Variants in SHROOM3 observed in about 807,000 individuals in gnomAD.
SHROOM3 encodes the protein protein Shroom3.
A neutral mutation model predicts 138.6 loss-of-function variants in SHROOM3; 47 were observed. That is an observed-to-expected ratio of 0.34 (90% confidence interval 0.27 to 0.43). The LOEUF (loss-of-function observed/expected upper bound fraction) is 0.43. SHROOM3 is among the 20% of genes least tolerant of loss of function. SHROOM3 has a pLI of 1.00. For synonymous variants in SHROOM3, 1,062 were observed against 1,063.3 expected, an observed-to-expected ratio of 1.00 and a Z score of 0.02; for missense variants, 2,491 against 2,596.5, an observed-to-expected ratio of 0.96 and a Z score of 0.88.
rs55650799 is a variant in SHROOM3 at position 76,782,279 on chromosome 4, T to G, written c.*3102T>G. 22,648 of 152,192 alleles carry G rather than the reference T, an allele frequency of 0.15. 1,783 individuals carry two copies. Among genetic ancestry groups the G allele is most frequent in the South Asian group, 0.24 (1,174 of 4,816 alleles). 9.4% of individuals were successfully genotyped at this position (152,192 alleles called of 1,614,324 possible). A position where few individuals can be genotyped will look rare whatever the true frequency, so the allele number is the denominator to read the frequency against. On this transcript the variant is annotated 3_prime_UTR_variant, in exon 11 of 11. Coordinates refer to ENST00000296043, the MANE Select transcript of SHROOM3 (RefSeq NM_020859.4). ...CTATGGGAACATTTTAGGGTTTGTTTTGCACAGCTGGTTTCCAGACTAGAA... is the reference window on the plus strand; with the variant it reads ...CTATGGGAACATTTTAGGGTTTGTTGTGCACAGCTGGTTTCCAGACTAGAA...
chr4:76,468,958 T>C (rs1229427849), intron 1 of SHROOM3, among the ~76,000 whole-genome samples: 4 of 149,294 alleles, frequency 2.7e-5, no homozygotes, highest in African/African-American at 2.5e-5. Flanking sequence ...GGCATGAACC[T>C]GGGAGGTGCA....
intron 2 of SHROOM3, among the ~76,000 whole-genome samples, chr4:76,691,112 T>A (rs1166554824): frequency 6.6e-6 from 1 of 152,208 alleles, no homozygotes; most frequent in Non-Finnish European, 1.5e-5. Context: ...CATACCCCTT[T>A]CCAGTGCTTG....
At chr4:76,631,203 C>CTTTTTTTTTTTTT (rs71212436) in intron 2 of SHROOM3, among the ~76,000 whole-genome samples, 1 of 104,192 alleles carries the variant, frequency 9.6e-6, no homozygotes, top group Non-Finnish European at 1.8e-5. Context: ...TTTTTTTAAT[C>CTTTTTTTTTTTTT]TTTTTTTTTT....
intron 1 of SHROOM3, among the ~76,000 whole-genome samples, chr4:76,452,718 GAT>G: frequency 6.6e-6 from 1 of 152,212 alleles, no homozygotes; most frequent in East Asian, 1.9e-4. Context: ...TCTTTGTATA[GAT>G]ATGTTTTTGT....
At chr4:76,738,339 T>C (rs898518630) in intron 4 of SHROOM3, among the ~76,000 whole-genome samples, 1 of 152,150 alleles carries the variant, frequency 6.6e-6, no homozygotes, top group African/African-American at 2.4e-5. Context: ...CCCGTGCCTA[T>C]TCTCTTATTA....
chr4:76,513,735 A>G (rs909634811), intron 1 of SHROOM3, among the ~76,000 whole-genome samples: 1 of 152,230 alleles, frequency 6.6e-6, no homozygotes, highest in East Asian at 1.9e-4. Context: ...TGGCATTAGC[A>G]AACACCTACA....
At chr4:76,528,562 T>TTTTTTTTTTGG (rs1732754135) in intron 1 of SHROOM3, among the ~76,000 whole-genome samples, 2 of 146,366 alleles carry the variant, frequency 1.4e-5, no homozygotes, top group Non-Finnish European at 1.5e-5. Flanking sequence ...TTTTTTTTTT[T>TTTTTTTTTTGG]GAGGCAGAGT....
intron 3 of SHROOM3, among the ~76,000 whole-genome samples, chr4:76,711,635 G>A (rs531641513): frequency 6.6e-6 from 1 of 152,310 alleles, no homozygotes; most frequent in African/African-American, 2.4e-5. Flanking sequence ...CGAGGCTACA[G>A]TGAGCCATGA....
chr4:76,520,054 A>G (rs1732530773), intron 1 of SHROOM3, among the ~76,000 whole-genome samples: 1 of 152,166 alleles, frequency 6.6e-6, no homozygotes. Flanking sequence ...TACAACCCAA[A>G]ATATTATCCA....
At chr4:76,660,217 T>C (rs1736154388) in intron 2 of SHROOM3, among the ~76,000 whole-genome samples, 1 of 152,156 alleles carries the variant, frequency 6.6e-6, no homozygotes, top group African/African-American at 2.4e-5. Context: ...CACTTGGGCA[T>C]AGAATAAACC....
At chr4:76,542,243 C>T (rs2110021395) in intron 1 of SHROOM3, among the ~76,000 whole-genome samples, 1 of 152,332 alleles carries the variant, frequency 6.6e-6, no homozygotes, top group East Asian at 1.9e-4. Context: ...CCATTATCCT[C>T]ACCTTCCCTG....
chr4:76,571,094 A>T (rs1000083469), intron 2 of SHROOM3, among the ~76,000 whole-genome samples: 7 of 152,302 alleles, frequency 4.6e-5, no homozygotes, highest in Non-Finnish European at 8.8e-5. Flanking sequence ...AGCTCTCAAA[A>T]TGTTAGCTTT....
In SHROOM3 at chr4:76,746,824, ATTATTATTT is replaced by A. The variant is rs1283472150; in HGVS notation, c.3754-2191_3754-2183del. 9.5e-5 allele frequency among the ~76,000 whole-genome samples: 12 copies of A among 126,706 alleles called. No homozygotes were observed. In the East Asian group the frequency reaches 2.6e-3, roughly 28 times the overall value. The allele number at this position is 126,706 out of a possible 152,430, so 83.1% of individuals were successfully genotyped here. A position where few individuals can be genotyped will look rare whatever the true frequency, so the allele number is the denominator to read the frequency against. ...TATTATTATTATTATTATTATTATT[ATTATTATTT>A]TGAGACGGAGTCTCGCTCAGTCACC... On this transcript the variant is annotated intron_variant, in intron 5 of 10. Transcript: ENST00000296043.
chr4:76,521,701 C>A (rs1037314767), intron 1 of SHROOM3, among the ~76,000 whole-genome samples: 6 of 152,206 alleles, frequency 3.9e-5, no homozygotes, highest in African/African-American at 1.4e-4. Context: ...AGAAGTTGTA[C>A]ATGTTGCCAA....
chr4:76,744,694 T>TAAGTG (rs1199759053), intron 5 of SHROOM3, among the ~76,000 whole-genome samples: 1 of 152,244 alleles, frequency 6.6e-6, no homozygotes, highest in African/African-American at 2.4e-5. Flanking sequence ...TCTGACAAGT[T>TAAGTG]AAGTGAACTT....
At chr4:76,682,152 T>G (rs1280860795) in intron 2 of SHROOM3, among the ~76,000 whole-genome samples, 1 of 152,208 alleles carries the variant, frequency 6.6e-6, no homozygotes, top group African/African-American at 2.4e-5. Context: ...ATTCCTTTGT[T>G]CTATGAGTTC....
At chr4:76,657,921 C>G (rs1736099630) in intron 2 of SHROOM3, among the ~76,000 whole-genome samples, 1 of 152,158 alleles carries the variant, frequency 6.6e-6, no homozygotes, top group Non-Finnish European at 1.5e-5. Context: ...GGAGACAGTC[C>G]TAGAACTGGT....
chr4:76,659,582 A>G (rs1736140060), intron 2 of SHROOM3, among the ~76,000 whole-genome samples: 1 of 152,028 alleles, frequency 6.6e-6, no homozygotes, highest in South Asian at 2.1e-4. Flanking sequence ...TTTCAGAAGC[A>G]TTTATTTATT....
chr4:76,477,151 T>C (rs1731501725), intron 1 of SHROOM3, among the ~76,000 whole-genome samples: 1 of 152,064 alleles, frequency 6.6e-6, no homozygotes, highest in Admixed American at 6.6e-5. Context: ...ATATTTTTAG[T>C]AGAGATGGGG....
Sources: gnomAD v4.1 joint callset for allele counts (sites outside exome capture counted in the v4.1 genomes callset) on GRCh38, gnomAD v4.1.1 for gene constraint, MANE v1.5 for transcripts, NCBI Gene and HGNC (gene_info 2026-07-23, HGNC 2026-07-21) for gene names.